The following CAP2 variants were observed in gnomAD, a reference collection of about 807,000 sequenced individuals.
CAP2 encodes adenylyl cyclase-associated protein 2.
CAP2 carries 24 observed loss-of-function variants against 57.7 expected under a neutral mutation model. That is an observed-to-expected ratio of 0.42 (90% CI 0.30 to 0.58). The LOEUF (loss-of-function observed/expected upper bound fraction) is 0.58, where lower values mean the gene tolerates loss of function less well. CAP2 is among the 20% of genes least tolerant of loss of function. The probability of loss-of-function intolerance (pLI) is 0.22; values close to 1 mark genes in which losing one functional copy is unlikely to be tolerated. For missense variants in CAP2, 501 were observed against 590.3 expected (o/e 0.85, Z 1.57); for synonymous variants, 194 against 207.2 (o/e 0.94, Z 0.55).
chr6:17,482,738 CACCTAGTCGTACAGG>C, intron 4 of CAP2, among the ~76,000 whole-genome samples: 1 of 152,160 alleles, frequency 6.6e-6, no homozygotes, highest in Non-Finnish European at 1.5e-5. Flanking sequence ...TCCATAGGGA[CACCTAGTCGTACAGG>C]ACCAGGGGCC....
In CAP2 at chr6:17,551,506, G is replaced by T; in HGVS notation, c.1252G>T (p.Gly418Cys). ...VPTISINKTE[G>C]CHIYLSEDAL... ...AACAATTTCCATTAATAAGACAGAAGGTTGCCACATATACCTCAGTGAAGA... is the reference window on the plus strand; with the variant it reads ...AACAATTTCCATTAATAAGACAGAATGTTGCCACATATACCTCAGTGAAGA... The change falls in exon 12 of 13, where the codon GGT (glycine) becomes TGT (cysteine). Residue 418 changes from glycine (G) to cysteine (C), a missense_variant. Transcript: ENST00000229922. 6.2e-7 allele frequency: 1 copy of T among 1,610,372 alleles called. No homozygotes were observed. The highest frequency in any genetic ancestry group is 8.5e-7 in the Non-Finnish European group (1 of 1,177,228).
At position 17,504,292 on chromosome 6, in the gene CAP2, G is replaced by T. The variant is rs1196648018; in HGVS notation, c.301-2877G>T. On this transcript the variant is annotated intron_variant, in intron 4 of 12. Transcript: ENST00000229922. ...ACATACCTGTGAAGCAGGTACTGTT[G>T]TCAACCCTAGCTTGCAGATGGGACA... 3.9e-5 allele frequency among the ~76,000 whole-genome samples: 6 copies of T among 152,314 alleles called. No individual in the cohort carries two copies. In the South Asian group the frequency reaches 1.0e-3, roughly 26 times the overall value.
chr6:17,427,941 G>A (rs866439132), intron 3 of CAP2, among the ~76,000 whole-genome samples: 1 of 152,240 alleles, frequency 6.6e-6, no homozygotes, highest in Non-Finnish European at 1.5e-5. Context: ...GCCTAGGGCG[G>A]TCAAATTTGT....
At chr6:17,511,860 C>T (rs1388434247) in intron 6 of CAP2, among the ~76,000 whole-genome samples, 1 of 152,142 alleles carries the variant, frequency 6.6e-6, no homozygotes, top group East Asian at 1.9e-4. Flanking sequence ...ACCATAGCTT[C>T]TTCCAGAGTA....
intron 4 of CAP2, among the ~76,000 whole-genome samples, chr6:17,475,150 G>A (rs7773223): frequency 0.013 from 1,959 of 149,856 alleles, 42 homozygotes; most frequent in African/African-American, 0.045. Context: ...AGCTGAGATC[G>A]CACCACTGCA....
Position 17,556,511 on chromosome 6 carries a change from G to A in CAP2, c.*69G>A, listed in dbSNP as rs1221349091. The A allele has an allele frequency of 1.6e-5, 19 of 1,159,258 alleles. No homozygotes were observed. Among genetic ancestry groups the A allele is most frequent in the Admixed American group, 8.5e-5 (5 of 58,884 alleles). The allele number at this position is 1,159,258 out of a possible 1,614,324, so 71.8% of individuals were successfully genotyped here. A position where few individuals can be genotyped will look rare whatever the true frequency, so the allele number is the denominator to read the frequency against. ...AAACAAACAAAAAAGCAGCAGTAAA[G>A]AGCTAGAAGTTGCAGTAGCCCCTAC... On this transcript the variant is annotated 3_prime_UTR_variant, in exon 13 of 13. Coordinates refer to ENST00000229922, the MANE Select transcript of CAP2 (RefSeq NM_006366.3).
intron 7 of CAP2, among the ~76,000 whole-genome samples, chr6:17,528,526 C>T (rs535226393): frequency 6.6e-6 from 1 of 152,258 alleles, no homozygotes; most frequent in Admixed American, 6.5e-5. Flanking sequence ...ACAGGGACCA[C>T]AGGAGGGTGG....
chr6:17,525,194 C>T (rs1344317616), intron 7 of CAP2, among the ~76,000 whole-genome samples: 1 of 152,190 alleles, frequency 6.6e-6, no homozygotes. Flanking sequence ...TGAGCCACCA[C>T]ACCTGGCCAT....
chr6:17,394,285 TA>T (rs1326164504), intron 1 of CAP2, among the ~76,000 whole-genome samples: 1 of 151,526 alleles, frequency 6.6e-6, no homozygotes, highest in Non-Finnish European at 1.5e-5. Context: ...GAGTCACTTC[TA>T]AAAAATGCAG....
intron 3 of CAP2, among the ~76,000 whole-genome samples, chr6:17,458,886 C>CAAAAAAA (rs397779120): frequency 1.0e-4 from 11 of 110,238 alleles, no homozygotes; most frequent in African/African-American, 3.3e-4. Flanking sequence ...CACAAAGGAG[C>CAAAAAAA]AAAAAAAAAA....
chr6:17,458,355 T>C (rs1373301690), intron 3 of CAP2, among the ~76,000 whole-genome samples: 1 of 152,200 alleles, frequency 6.6e-6, no homozygotes, highest in African/African-American at 2.4e-5. Flanking sequence ...GTCAAGAGAC[T>C]TATATCTGTT....
At chr6:17,470,531 T>C (rs939505085) in intron 4 of CAP2, among the ~76,000 whole-genome samples, 40 of 152,318 alleles carry the variant, frequency 2.6e-4, no homozygotes, top group African/African-American at 8.4e-4. Context: ...CACATGGTAG[T>C]TCAGGGTCCA....
At chr6:17,454,874 C>T (rs542249233) in intron 3 of CAP2, among the ~76,000 whole-genome samples, 10 of 152,302 alleles carry the variant, frequency 6.6e-5, no homozygotes, top group African/African-American at 2.2e-4. Context: ...CTTGCTTCAG[C>T]TTTGACACTT....
intron 1 of CAP2, among the ~76,000 whole-genome samples, chr6:17,397,422 T>C (rs1434165658): frequency 1.3e-5 from 2 of 150,986 alleles, no homozygotes; most frequent in South Asian, 4.3e-4. Context: ...GGGCTGGGCG[T>C]GGTGGCTCAC....
intron 4 of CAP2, among the ~76,000 whole-genome samples, chr6:17,484,260 C>G (rs1286381080): frequency 6.6e-6 from 1 of 152,020 alleles, no homozygotes; most frequent in East Asian, 1.9e-4. Context: ...AGAAAAGAAT[C>G]ATTTCCATAG....
intron 11 of CAP2, among the ~76,000 whole-genome samples, chr6:17,543,823 A>G (rs1762970163): frequency 6.6e-6 from 1 of 151,532 alleles, no homozygotes; most frequent in South Asian, 2.1e-4. Flanking sequence ...ATACCATCTC[A>G]ATTTCAAGTA....
At chr6:17,540,320 G>T (rs1762868769) in intron 8 of CAP2, among the ~76,000 whole-genome samples, 1 of 152,100 alleles carries the variant, frequency 6.6e-6, no homozygotes, top group South Asian at 2.1e-4. Context: ...AACCTTTTAG[G>T]CTGTGTCTGG....
At chr6:17,427,465 C>G (rs572256419) in intron 3 of CAP2, among the ~76,000 whole-genome samples, 1 of 152,136 alleles carries the variant, frequency 6.6e-6, no homozygotes, top group Non-Finnish European at 1.5e-5. Context: ...AGGATATCAC[C>G]TCATATCCAT....
chr6:17,524,544 C>T (rs1292793450), intron 7 of CAP2, among the ~76,000 whole-genome samples: 1 of 152,106 alleles, frequency 6.6e-6, no homozygotes, highest in Non-Finnish European at 1.5e-5. Flanking sequence ...AGGAACTGTG[C>T]CCAGAGTAGC....
Sources: allele counts gnomAD v4.1 joint callset (sites outside exome capture counted in the v4.1 genomes callset), GRCh38; gene constraint gnomAD v4.1.1; transcripts MANE v1.5; gene names NCBI Gene and HGNC (gene_info 2026-07-23, HGNC 2026-07-21).